VTCN1: variants seen among roughly 807,000 people sequenced by gnomAD.
VTCN1 encodes V-set domain containing T cell activation inhibitor 1.
Under a neutral mutation model 26.5 loss-of-function variants are expected in VTCN1, and 26 were observed. That is an observed-to-expected ratio of 0.98 (90% CI 0.72 to 1.36). The LOEUF is 1.36. Among genes scored for constraint, VTCN1 ranks in the 40% most tolerant of loss-of-function variants. VTCN1 has a pLI of 0.00. For missense variants in VTCN1, 298 were observed against 337.7 expected, an observed-to-expected ratio of 0.88 and a Z score of 0.92; for synonymous variants, 116 against 130.7, an observed-to-expected ratio of 0.89 and a Z score of 0.77.
At chr1:117,187,601 G>C (rs12028520) in intron 1 of VTCN1, among the ~76,000 whole-genome samples, 17,331 of 152,106 alleles carry the variant, frequency 0.11, 1,047 homozygotes, top group East Asian at 0.16. Flanking sequence ...CAGATACATT[G>C]CTCTAACACA....
chr1:117,154,106 GCTGGTGCTGAGTAAGTAGTAA>G (rs1338059658), intron 3 of VTCN1, among the ~76,000 whole-genome samples: 2 of 152,148 alleles, frequency 1.3e-5, no homozygotes, highest in Non-Finnish European at 2.9e-5. Context: ...CTGGGACTGA[GCTGGTGCTGAGTAAGTAGTAA>G]AAGGAAAGCC....
chr1:117,162,739 G>A (rs1289552435), intron 2 of VTCN1, among the ~76,000 whole-genome samples: 1 of 152,134 alleles, frequency 6.6e-6, no homozygotes, highest in Non-Finnish European at 1.5e-5. Context: ...GTTAAAGCAG[G>A]GGCAAGACGA....
intron 1 of VTCN1, among the ~76,000 whole-genome samples, chr1:117,197,617 A>C (rs1648581682): frequency 6.6e-6 from 1 of 152,290 alleles, no homozygotes; most frequent in African/African-American, 2.4e-5. Context: ...TAAGCCCCTG[A>C]AAACTCTGTA....
At chr1:117,205,314 C>A (rs1002476979) in intron 1 of VTCN1, among the ~76,000 whole-genome samples, 1 of 151,864 alleles carries the variant, frequency 6.6e-6, no homozygotes, top group East Asian at 1.9e-4. Context: ...ACCACCACAC[C>A]TTGTTGATTT....
intron 1 of VTCN1, among the ~76,000 whole-genome samples, chr1:117,192,123 A>T (rs1182281793): frequency 6.6e-6 from 1 of 152,150 alleles, no homozygotes; most frequent in African/African-American, 2.4e-5. Flanking sequence ...ATCCAAAGAC[A>T]AAGACAGAAT....
intron 1 of VTCN1, among the ~76,000 whole-genome samples, chr1:117,176,740 A>G (rs2101541593): frequency 6.6e-6 from 1 of 152,360 alleles, no homozygotes; most frequent in Non-Finnish European, 1.5e-5. Flanking sequence ...TTGTTCACAA[A>G]CCAACGAGGT....
At chr1:117,199,061 C>T (rs910559491) in intron 1 of VTCN1, among the ~76,000 whole-genome samples, 6 of 152,178 alleles carry the variant, frequency 3.9e-5, no homozygotes, top group African/African-American at 1.4e-4. Flanking sequence ...CTAGATGCTG[C>T]TCCTGGGCTC....
intron 3 of VTCN1, among the ~76,000 whole-genome samples, chr1:117,154,084 G>A (rs542553852): frequency 8.0e-4 from 122 of 152,202 alleles, no homozygotes; most frequent in South Asian, 2.9e-3. Flanking sequence ...TTTATTTGGC[G>A]TCTTCCTTTA....
At chr1:117,197,235 C>T (rs1171633661) in intron 1 of VTCN1, among the ~76,000 whole-genome samples, 2 of 152,110 alleles carry the variant, frequency 1.3e-5, no homozygotes, top group Non-Finnish European at 2.9e-5. Flanking sequence ...AGTAATTTGT[C>T]TACTAGAAAA....
intron 2 of VTCN1, among the ~76,000 whole-genome samples, chr1:117,157,840 G>A (rs1652167421): frequency 1.3e-5 from 2 of 152,180 alleles, no homozygotes; most frequent in Non-Finnish European, 2.9e-5. Flanking sequence ...AATCAAGCTA[G>A]TTACTTCCTA....
chr1:117,194,783 C>A (rs562615671), intron 1 of VTCN1, among the ~76,000 whole-genome samples: 1 of 152,198 alleles, frequency 6.6e-6, no homozygotes, highest in Non-Finnish European at 1.5e-5. Context: ...AAGACAAATA[C>A]TATATCATCT....
chr1:117,199,623 G>T (rs948003631), intron 1 of VTCN1, among the ~76,000 whole-genome samples: 4 of 151,758 alleles, frequency 2.6e-5, no homozygotes, highest in Non-Finnish European at 5.9e-5. Flanking sequence ...ACTGTGCCCG[G>T]CCACAAGGAA....
intron 1 of VTCN1, among the ~76,000 whole-genome samples, chr1:117,185,440 G>T (rs1647886893): frequency 6.6e-6 from 1 of 152,162 alleles, no homozygotes; most frequent in Admixed American, 6.5e-5. Context: ...TGCCAAAGTG[G>T]CATTTGTAAA....
intron 4 of VTCN1, among the ~76,000 whole-genome samples, chr1:117,149,196 G>A (rs1651667026): frequency 1.3e-5 from 2 of 151,944 alleles, no homozygotes; most frequent in Admixed American, 6.6e-5. Context: ...CTAAGCACTG[G>A]GCATCTCTAC....
At chr1:117,206,826 A>G (rs1649096046) in intron 1 of VTCN1, among the ~76,000 whole-genome samples, 2 of 152,182 alleles carry the variant, frequency 1.3e-5, no homozygotes, top group Non-Finnish European at 2.9e-5. Flanking sequence ...CACTCAGAAA[A>G]TCATCTACCC....
At position 117,156,892 on chromosome 1, in the gene VTCN1, C is replaced by G; in HGVS notation, c.127G>C (p.Ala43Pro). 6 of 1,613,998 alleles carry G rather than the reference C, an allele frequency of 3.7e-6. No homozygotes were observed. The highest frequency in any genetic ancestry group is 5.1e-6 in the Non-Finnish European group (6 of 1,180,010). ...TCCTCCCCAATGTTCCCAGCTGAGG[C>G]GACAGTAGTGACTGTGATGGAGTGT... is the stretch of plus-strand genomic sequence containing the variant. ...GRHSITVTTV[A>P]SAGNIGEDGI... is the part of the protein sequence containing the mutation. Residue 43 changes from alanine to proline, a missense_variant, in exon 3 of 6, where the codon GCC becomes CCC. Ala to Pro is a conservative substitution (Grantham distance 27). Transcript: ENST00000369458.
In VTCN1 at chr1:117,153,262, C is replaced by G; in HGVS notation, c.553G>C (p.Val185Leu). 6.2e-7 allele frequency: 1 copy of G among 1,614,116 alleles called. No individual in the cohort carries two copies. Among genetic ancestry groups the G allele is most frequent in the Non-Finnish European group, 8.5e-7 (1 of 1,180,014 alleles). Residue 185 changes from valine to leucine, a missense_variant, in exon 4 of 6, where the codon GTT becomes CTT. Val to Leu is a conservative substitution (Grantham distance 32). Transcript: ENST00000369458. The stretch of plus-strand genomic sequence containing the variant: ...TCCGAGAAGTTGGCTCCCTGGTCAA[C>G]TTGGGATGCCCAGACCACTGTGGGC... ...PQPTVVWASQVDQGANFSEVS... is the reference protein window; with the variant it reads ...PQPTVVWASQLDQGANFSEVS...
intron 4 of VTCN1, among the ~76,000 whole-genome samples, chr1:117,149,092 G>A (rs773630646): frequency 5.3e-5 from 8 of 152,308 alleles, no homozygotes; most frequent in Non-Finnish European, 1.0e-4. Flanking sequence ...AGGCTAAAAA[G>A]ATGACACTGG....
rs1305747303 is a variant in VTCN1, at chr1:117,175,937, A to AT, written c.33-5767dup. 6.6e-6 allele frequency among the ~76,000 whole-genome samples: 1 copy of AT among 151,888 alleles called. No individual in the cohort carries two copies. The highest frequency in any genetic ancestry group is 1.5e-5 in the Non-Finnish European group (1 of 67,990). Reference sequence around the variant, plus strand: ...AGGCACGTGCCACCACGCCCGGCTAATTTTTTATTTTTAGTAGAGACAGGG... The same window carrying AT: ...AGGCACGTGCCACCACGCCCGGCTAATTTTTTTATTTTTAGTAGAGACAGGG... On this transcript the variant is annotated intron_variant, in intron 1 of 5. Coordinates refer to ENST00000369458, the MANE Select transcript of VTCN1 (RefSeq NM_024626.4). The surrounding 1 kb of genome is among the most constrained non-coding windows in gnomAD (Gnocchi z 4.2).
Sources: allele counts gnomAD v4.1 joint callset (sites outside exome capture counted in the v4.1 genomes callset), GRCh38; gene constraint gnomAD v4.1.1; non-coding constraint Gnocchi (gnomAD v3.1); transcripts MANE v1.5; gene names NCBI Gene and HGNC (gene_info 2026-07-23, HGNC 2026-07-21).